The following SAMD5 variants were observed in gnomAD, a reference collection of about 807,000 sequenced individuals.
SAMD5 encodes the protein sterile alpha motif domain containing 5.
SAMD5 carries 13 observed loss-of-function variants against 11.3 expected under a neutral mutation model. The observed-to-expected ratio is 1.15, with a 90% CI of 0.75 to 1.83. SAMD5 has a LOEUF of 1.83. Ranked by LOEUF, SAMD5 falls within the 40% of genes most tolerant of loss-of-function variation. The probability of loss-of-function intolerance (pLI) is 0.00; values close to 1 mark genes in which losing one functional copy is unlikely to be tolerated. For missense variants in SAMD5, 255 were observed against 239.1 expected, an observed-to-expected ratio of 1.07 and a Z score of -0.44; for synonymous variants, 129 against 111.3, an observed-to-expected ratio of 1.16 and a Z score of -1.00.
At chr6:147,634,585 A>G (rs1269037397) in intron 1 of SAMD5, among the ~76,000 whole-genome samples, 1 of 152,220 alleles carries the variant, frequency 6.6e-6, no homozygotes, top group Non-Finnish European at 1.5e-5. Flanking sequence ...GTAATATTTC[A>G]TTGTATGGAT....
chr6:147,707,576 T>G (rs1423778823), intron 1 of SAMD5, among the ~76,000 whole-genome samples: 1 of 152,194 alleles, frequency 6.6e-6, no homozygotes, highest in African/African-American at 2.4e-5. Flanking sequence ...TCTTTGCTTG[T>G]GTTTAATGTA....
chr6:147,802,152 G>A, the SAMD5 span, among the ~76,000 whole-genome samples: 606 of 152,270 alleles, frequency 4.0e-3, 3 homozygotes, highest in African/African-American at 0.014. Flanking sequence ...TACAATACAT[G>A]TATTTTTCAA....
intron 1 of SAMD5, among the ~76,000 whole-genome samples, chr6:147,617,509 G>T (rs1440641956): frequency 6.6e-6 from 1 of 152,232 alleles, no homozygotes; most frequent in Non-Finnish European, 1.5e-5. Flanking sequence ...AAGCTGCAGG[G>T]ATAGCTTTAT....
the SAMD5 span, among the ~76,000 whole-genome samples, chr6:147,762,888 C>T: frequency 1.3e-5 from 2 of 152,086 alleles, no homozygotes; most frequent in Non-Finnish European, 2.9e-5. Context: ...TGTAGCTGAG[C>T]AGTTTTTTTA....
chr6:147,892,047 C>T, the SAMD5 span, among the ~76,000 whole-genome samples: 1 of 152,184 alleles, frequency 6.6e-6, no homozygotes, highest in Non-Finnish European at 1.5e-5. Context: ...CACGGCTAGC[C>T]TTAGGCCGAC....
chr6:147,667,199 T>C (rs1344787432), intron 1 of SAMD5, among the ~76,000 whole-genome samples: 1 of 152,240 alleles, frequency 6.6e-6, no homozygotes, highest in African/African-American at 2.4e-5. Context: ...TGTGTGTTAT[T>C]CATCTCTTGT....
At chr6:147,932,831 T>G in the SAMD5 span, among the ~76,000 whole-genome samples, 106 of 152,250 alleles carry the variant, frequency 7.0e-4, no homozygotes, top group Non-Finnish European at 1.2e-3. Flanking sequence ...CTATTGAACA[T>G]TATCTGAATA....
intron 1 of SAMD5, among the ~76,000 whole-genome samples, chr6:147,612,135 T>C (rs990735402): frequency 6.6e-6 from 1 of 152,162 alleles, no homozygotes; most frequent in Admixed American, 6.5e-5. Flanking sequence ...AGTGAATAGG[T>C]GGATTTATCT....
At chr6:147,847,453 T>A in the SAMD5 span, among the ~76,000 whole-genome samples, 1 of 152,168 alleles carries the variant, frequency 6.6e-6, no homozygotes, top group Non-Finnish European at 1.5e-5. Flanking sequence ...TCTAGTGAAA[T>A]AGATAATTTG....
intron 1 of SAMD5, among the ~76,000 whole-genome samples, chr6:147,616,387 A>T (rs1789874049): frequency 2.0e-5 from 3 of 151,456 alleles, no homozygotes; most frequent in Non-Finnish European, 4.4e-5. Context: ...GGCATATAAT[A>T]GGTGCTCAAT....
the SAMD5 span, among the ~76,000 whole-genome samples, chr6:147,855,722 G>C: frequency 6.6e-6 from 1 of 152,054 alleles, no homozygotes; most frequent in Non-Finnish European, 1.5e-5. Flanking sequence ...GCTTAGCTTA[G>C]CATATTAATA....
chr6:147,934,459 G>T, the SAMD5 span, among the ~76,000 whole-genome samples: 1 of 152,068 alleles, frequency 6.6e-6, no homozygotes, highest in East Asian at 1.9e-4. Context: ...GACTAGGTCA[G>T]GTGTGTGTGT....
At chr6:147,781,041 C>T in the SAMD5 span, among the ~76,000 whole-genome samples, 2 of 152,018 alleles carry the variant, frequency 1.3e-5, no homozygotes, top group African/African-American at 4.8e-5. Flanking sequence ...ATACAATATA[C>T]ATACTCAATG....
the SAMD5 span, among the ~76,000 whole-genome samples, chr6:147,881,906 G>A: frequency 6.6e-6 from 1 of 152,182 alleles, no homozygotes; most frequent in Non-Finnish European, 1.5e-5. Context: ...GAATGCCCTG[G>A]CATTTTGCAG....
intron 1 of SAMD5, among the ~76,000 whole-genome samples, chr6:147,715,870 T>A (rs1383565160): frequency 6.6e-6 from 1 of 152,114 alleles, no homozygotes; most frequent in African/African-American, 2.4e-5. Context: ...GTCATCCATC[T>A]CTCCTCCTCT....
chr6:147,897,884 G>A, the SAMD5 span, among the ~76,000 whole-genome samples: 1 of 146,820 alleles, frequency 6.8e-6, no homozygotes, highest in Admixed American at 7.1e-5. Flanking sequence ...GGCAGAGGTT[G>A]CAGTGAGTAG....
At chr6:147,740,508 C>T (rs554048618), downstream of SAMD5, among the ~76,000 whole-genome samples, 56 of 152,176 alleles carry the variant, frequency 3.7e-4, no homozygotes, top group Non-Finnish European at 6.6e-4. Flanking sequence ...TTAGCTAAAA[C>T]AGAACTTCCT....
In SAMD5 at chr6:147,711,797, G is replaced by A. The variant is rs550275494; in HGVS notation, c.163-25520G>A. Among the ~76,000 whole-genome samples, 2 of 152,324 alleles carry A rather than the reference G, an allele frequency of 1.3e-5. No individual in the cohort carries two copies. Among genetic ancestry groups the A allele is most frequent in the South Asian group, 2.1e-4 (1 of 4,822 alleles). ...ACATCATGGAGTGTCATGTGCGTAA[G>A]TACACTTAATTAGATACTCTGATGA... On this transcript the variant is annotated intron_variant, in intron 1 of 1. Coordinates refer to the SAMD5 transcript ENST00000566741. This position sits in a 1 kb window ranked among gnomAD's most constrained non-coding sequence, Gnocchi z 4.1.
chr6:147,543,294 A>C (rs545151942), intron 1 of SAMD5, among the ~76,000 whole-genome samples: 1 of 152,226 alleles, frequency 6.6e-6, no homozygotes, highest in Admixed American at 6.5e-5. Context: ...ATACCTAGAA[A>C]CAACTTTGCA....
Sources: gnomAD v4.1 joint callset for allele counts (sites outside exome capture counted in the v4.1 genomes callset) on GRCh38, gnomAD v4.1.1 for gene constraint, Gnocchi (gnomAD v3.1) non-coding constraint, MANE v1.5 for transcripts, NCBI Gene and HGNC (gene_info 2026-07-23, HGNC 2026-07-21) for gene names.